SMAD4: variants seen among roughly 807,000 people sequenced by gnomAD.
SMAD4 encodes the protein MAD homolog 4.
In SMAD4, 7 loss-of-function variants were observed where a neutral mutation model predicts 63.2. The observed-to-expected ratio is 0.11, with a 90% CI of 0.06 to 0.21. The LOEUF (loss-of-function observed/expected upper bound fraction) is 0.21, where lower values mean the gene tolerates loss of function less well. SMAD4 is among the 10% of genes least tolerant of loss of function. The pLI, the probability that SMAD4 is intolerant of heterozygous loss-of-function variation, is 1.00. For synonymous variants in SMAD4, 215 were observed against 235.4 expected (o/e 0.91, Z 0.79); for missense variants, 312 against 693.8 (o/e 0.45, Z 6.18).
At chr18:51,061,019 G>A (rs558316856) in intron 8 of SMAD4, among the ~76,000 whole-genome samples, 78 of 152,068 alleles carry the variant, frequency 5.1e-4, no homozygotes, top group African/African-American at 1.7e-3. Context: ...GATTATAGAC[G>A]TGAGCCACCA....
intron 9 of SMAD4, among the ~76,000 whole-genome samples, chr18:51,066,352 A>G (rs1169032649): frequency 2.0e-5 from 3 of 147,192 alleles, no homozygotes; most frequent in Non-Finnish European, 3.1e-5. Context: ...TCAAAAAAAA[A>G]AAAAAAAAAA....
chr18:51,069,199 C>T (rs1910250520), intron 10 of SMAD4, among the ~76,000 whole-genome samples: 1 of 152,188 alleles, frequency 6.6e-6, no homozygotes, highest in Admixed American at 6.5e-5. Context: ...TCACTGCAAC[C>T]TCTGCTTCCA....
At position 51,030,429 on chromosome 18, in the gene SMAD4, A is replaced by G. The variant is rs1211437662; in HGVS notation, c.-322A>G. 6.7e-6 allele frequency: 1 copy of G among 150,156 alleles called. No homozygotes were observed. The highest frequency in any genetic ancestry group is 1.5e-5 in the Non-Finnish European group (1 of 67,458). 9.3% of individuals were successfully genotyped at this position (150,156 alleles called of 1,614,324 possible). A position where few individuals can be genotyped will look rare whatever the true frequency, so the allele number is the denominator to read the frequency against. ...CCCAGCGAGAGAGGCCCCCCGCCGC[A>G]GGGCGGCCCGGGAGCTCGAGGCGGT... is the stretch of plus-strand genomic sequence containing the variant. On this transcript the variant is annotated 5_prime_UTR_variant, in exon 1 of 12. Coordinates refer to ENST00000342988, the MANE Select transcript of SMAD4 (RefSeq NM_005359.6).
In SMAD4 at chr18:51,071,699, T is replaced by C. The variant is rs1165712585; in HGVS notation, c.1308+4512T>C. Among the ~76,000 whole-genome samples, 3 of 152,222 alleles carry C rather than the reference T, an allele frequency of 2.0e-5. No homozygotes were observed. The East Asian group carries it at 5.8e-4, about 29-fold the overall frequency. On this transcript the variant is annotated intron_variant, in intron 10 of 11. Transcript: ENST00000342988. The stretch of plus-strand genomic sequence containing the variant: ...GATTGTTAGTATATTCACAACATTG[T>C]GCAGTCATTACTACTCAATTTTGGA...
chr18:51,032,784 A>C (rs1909090208), intron 1 of SMAD4, among the ~76,000 whole-genome samples: 1 of 152,160 alleles, frequency 6.6e-6, no homozygotes, highest in African/African-American at 2.4e-5. Context: ...ACCCTACAGA[A>C]TCTGTAGGGT....
At chr18:51,067,849 A>C (rs996418114) in intron 10 of SMAD4, among the ~76,000 whole-genome samples, 2 of 152,234 alleles carry the variant, frequency 1.3e-5, no homozygotes, top group East Asian at 1.9e-4. Context: ...ATTTTATGGA[A>C]GAGAATTCTA....
At position 51,056,853 on chromosome 18, in the gene SMAD4, A is replaced by G. The variant is rs1280437157; in HGVS notation, c.668-1272A>G. 2.0e-5 allele frequency among the ~76,000 whole-genome samples: 3 copies of G among 152,214 alleles called. No individual in the cohort carries two copies. In the East Asian group the frequency reaches 5.8e-4, roughly 29 times the overall value. On this transcript the variant is annotated intron_variant, in intron 5 of 11. Transcript: ENST00000342988. ...GTTCTTTTGACACCTGAATATTTTAAGAATTTCCTTTTAAATACCTGTAAA... is the reference window on the plus strand; with the variant it reads ...GTTCTTTTGACACCTGAATATTTTAGGAATTTCCTTTTAAATACCTGTAAA...
At chr18:51,059,413 T>A (rs1909944035) in intron 7 of SMAD4, among the ~76,000 whole-genome samples, 1 of 152,216 alleles carries the variant, frequency 6.6e-6, no homozygotes, top group Non-Finnish European at 1.5e-5. Context: ...ATGTGAGGTG[T>A]TTAGCACAGT....
rs764436881 is a variant in SMAD4 at position 51,076,623 on chromosome 18, G to C, written c.1309-15G>C. 2.5e-6 allele frequency: 4 copies of C among 1,609,788 alleles called. No individual in the cohort carries two copies. Among genetic ancestry groups the C allele is most frequent in the Non-Finnish European group, 3.4e-6 (4 of 1,177,124 alleles). On this transcript the variant is annotated splice_polypyrimidine_tract_variant and intron_variant, in intron 10 of 11. Transcript: ENST00000342988. The stretch of plus-strand genomic sequence containing the variant: ...TCTTTATGAACTCATAGTATGAAAT[G>C]TTTTTTCTTAAAAGGTCTTTGATTT...
At chr18:51,039,173 T>C (rs1325758090) in intron 1 of SMAD4, among the ~76,000 whole-genome samples, 1 of 152,238 alleles carries the variant, frequency 6.6e-6, no homozygotes, top group African/African-American at 2.4e-5. Context: ...TTAAAGTAAC[T>C]ATTTCTATGC....
chr18:51,044,642 G>A (rs545911738), intron 1 of SMAD4, among the ~76,000 whole-genome samples: 5 of 152,200 alleles, frequency 3.3e-5, no homozygotes, highest in Non-Finnish European at 7.4e-5. Flanking sequence ...ATCCACCTGC[G>A]TCGGCCTCCC....
intron 11 of SMAD4, among the ~76,000 whole-genome samples, chr18:51,077,967 C>T (rs1196873036): frequency 6.6e-6 from 1 of 152,206 alleles, no homozygotes; most frequent in Non-Finnish European, 1.5e-5. Context: ...TATCCCTTCA[C>T]CTCCACTTCT....
intron 2 of SMAD4, 100 bp downstream of exon 2, chr18:51,047,395 C>A (rs1372880240): frequency 9.5e-7 from 1 of 1,056,388 alleles, no homozygotes; most frequent in Non-Finnish European, 1.5e-6. Context: ...AATTTGTGCT[C>A]CATCTCTTCA....
Position 51,079,439 on chromosome 18 carries a change from T to G in SMAD4, c.*972T>G, listed in dbSNP as rs1391547677. The G allele has an allele frequency of 4.3e-6, 1 of 233,366 alleles. No individual in the cohort carries two copies. Among genetic ancestry groups the G allele is most frequent in the African/African-American group, 2.2e-5 (1 of 45,350 alleles). The allele number at this position is 233,366 out of a possible 1,614,324, so 14.5% of individuals were successfully genotyped here. On this transcript the variant is annotated 3_prime_UTR_variant, in exon 12 of 12. Coordinates refer to ENST00000342988, the MANE Select transcript of SMAD4 (RefSeq NM_005359.6). The stretch of plus-strand genomic sequence containing the variant: ...ATTTTGGAAACTGCTAAATTCTATG[T>G]TAAATACTGTGCAGAATAATGGAAA...
chr18:51,049,223 C>G (rs961003360), intron 3 of SMAD4, 72 bp from the exon 4 acceptor site: 1 of 1,164,770 alleles, frequency 8.6e-7, no homozygotes, highest in East Asian at 2.3e-5. Flanking sequence ...TTTACATTCT[C>G]TGTTTTTAAA....
At chr18:51,058,770 A>G (rs1360147044) in intron 7 of SMAD4, among the ~76,000 whole-genome samples, 1 of 152,064 alleles carries the variant, frequency 6.6e-6, no homozygotes, top group East Asian at 1.9e-4. Context: ...TTGTATATCC[A>G]CGCATAATGG....
intron 4 of SMAD4, among the ~76,000 whole-genome samples, chr18:51,051,775 T>A (rs576935654): frequency 6.6e-6 from 1 of 152,200 alleles, no homozygotes; most frequent in Non-Finnish European, 1.5e-5. Context: ...TTGTCACCTA[T>A]AGAGAATATA....
intron 1 of SMAD4, among the ~76,000 whole-genome samples, chr18:51,033,867 A>G (rs887943322): frequency 6.6e-6 from 1 of 152,208 alleles, no homozygotes; most frequent in African/African-American, 2.4e-5. Context: ...AAACTAGGGT[A>G]GTGCTTACAT....
intron 8 of SMAD4, among the ~76,000 whole-genome samples, chr18:51,061,572 G>T (rs1258886514): frequency 1.3e-5 from 2 of 152,092 alleles, no homozygotes; most frequent in Non-Finnish European, 2.9e-5. Flanking sequence ...CTGTGTATAA[G>T]TCAAGCATAA....
Sources: allele counts gnomAD v4.1 joint callset (sites outside exome capture counted in the v4.1 genomes callset), GRCh38; gene constraint gnomAD v4.1.1; transcripts MANE v1.5; gene names NCBI Gene and HGNC (gene_info 2026-07-23, HGNC 2026-07-21).